The following HSDL2 variants were observed in gnomAD, a reference collection of about 807,000 sequenced individuals.
The protein encoded by HSDL2 is hydroxysteroid dehydrogenase like 2.
In HSDL2, 27 loss-of-function variants were observed where a neutral mutation model predicts 46.3. The observed-to-expected ratio is 0.58, with a 90% CI of 0.43 to 0.80. The LOEUF (loss-of-function observed/expected upper bound fraction) is 0.80. HSDL2 is among the 30% of genes least tolerant of loss of function. The pLI is 0.00. For missense variants in HSDL2, 451 were observed against 502.7 expected (o/e 0.90, Z 0.98); for synonymous variants, 153 against 163.6 (o/e 0.94, Z 0.50).
At chr9:112,395,105 G>A (rs1046340930) in intron 1 of HSDL2, among the ~76,000 whole-genome samples, 1 of 152,150 alleles carries the variant, frequency 6.6e-6, no homozygotes. Context: ...TTATTTTCAG[G>A]CTAATAGAAA....
chr9:112,405,689 G>A lies in HSDL2; in HGVS notation c.247G>A (p.Ala83Thr), dbSNP rs758334691. 2.5e-6 allele frequency: 4 copies of A among 1,612,478 alleles called. No individual in the cohort carries two copies. Among genetic ancestry groups the A allele is most frequent in the Non-Finnish European group, 2.5e-6 (3 of 1,179,164 alleles). ...TGTGAGAGATGAACAGCAGATCAGTGCTGCAGTGGAGAAAGCCATCAAGAA... is the reference window on the plus strand; with the variant it reads ...TGTGAGAGATGAACAGCAGATCAGTACTGCAGTGGAGAAAGCCATCAAGAA... The part of the protein sequence containing the change: ...VDVRDEQQIS[A>T]AVEKAIKKFG... Residue 83 changes from alanine (A) to threonine (T), a missense_variant, in exon 3 of 11, where the codon GCT becomes ACT. By Grantham distance (58) the Ala-to-Thr change is moderately conservative. Transcript: ENST00000398805.
intron 1 of HSDL2, among the ~76,000 whole-genome samples, chr9:112,384,304 T>C (rs1260851253): frequency 6.6e-6 from 1 of 152,076 alleles, no homozygotes; most frequent in Non-Finnish European, 1.5e-5. Context: ...GGAGCCTTCT[T>C]TGAAGTGCTC....
rs551709739 is a variant in HSDL2, at chr9:112,419,255, T to C, written c.598+297T>C. 3.3e-5 allele frequency among the ~76,000 whole-genome samples: 5 copies of C among 152,256 alleles called. No individual in the cohort carries two copies. The East Asian group carries it at 9.6e-4, about 29-fold the overall frequency. On this transcript the variant is annotated intron_variant, in intron 6 of 10. Coordinates refer to ENST00000398805, the MANE Select transcript of HSDL2 (RefSeq NM_032303.5). The stretch of plus-strand genomic sequence containing the variant: ...AACTCCTCAAGTGATCCTCCCACCT[T>C]GGCCTCCCAAAGTGCTGGGATTACA...
At chr9:112,445,585 C>A (rs1832738883) in intron 8 of HSDL2, among the ~76,000 whole-genome samples, 1 of 151,942 alleles carries the variant, frequency 6.6e-6, no homozygotes, top group Non-Finnish European at 1.5e-5. Flanking sequence ...AATGCAGTGG[C>A]ATGATCTTGG....
intron 9 of HSDL2, among the ~76,000 whole-genome samples, chr9:112,455,428 G>C (rs553605522): frequency 6.6e-6 from 1 of 152,124 alleles, no homozygotes; most frequent in South Asian, 2.1e-4. Flanking sequence ...TCACTCTCTT[G>C]CTTGTGTCCT....
At chr9:112,463,285 TA>T (rs1833270198) in intron 10 of HSDL2, among the ~76,000 whole-genome samples, 1 of 149,046 alleles carries the variant, frequency 6.7e-6, no homozygotes, top group South Asian at 2.1e-4. Context: ...TCACTTAAAA[TA>T]AAATAGAGAT....
At chr9:112,467,133 C>T (rs546540814) in intron 10 of HSDL2, among the ~76,000 whole-genome samples, 3 of 152,278 alleles carry the variant, frequency 2.0e-5, no homozygotes, top group African/African-American at 7.2e-5. Context: ...TTCACAGCAG[C>T]GCTATTCACA....
At chr9:112,464,213 GACACACACACAGACACACACACAC>G (rs1253926590) in intron 10 of HSDL2, among the ~76,000 whole-genome samples, 15 of 146,718 alleles carry the variant, frequency 1.0e-4, no homozygotes, top group East Asian at 4.2e-4. Flanking sequence ...CACACACACA[GACACACACACAGACACACACACAC>G]ACACACACAC....
At chr9:112,425,439 A>G (rs1438234600) in intron 6 of HSDL2, among the ~76,000 whole-genome samples, 1 of 152,204 alleles carries the variant, frequency 6.6e-6, no homozygotes, top group African/African-American at 2.4e-5. Flanking sequence ...GTGGTTTACA[A>G]ATTTTGTTAG....
At chr9:112,430,307 G>T (rs1190360701) in intron 6 of HSDL2, among the ~76,000 whole-genome samples, 1 of 152,198 alleles carries the variant, frequency 6.6e-6, no homozygotes, top group Non-Finnish European at 1.5e-5. Flanking sequence ...GATAGGTCCT[G>T]TGGACTAGTA....
intron 5 of HSDL2, among the ~76,000 whole-genome samples, chr9:112,417,499 CA>C (rs1010711735): frequency 1.4e-5 from 2 of 142,962 alleles, no homozygotes; most frequent in African/African-American, 2.6e-5. Context: ...AAAAAAACGA[CA>C]AAAAAACCCT....
At chr9:112,417,079 C>T in intron 5 of HSDL2, 135 bp downstream of exon 5, 1 of 446,582 alleles carries the variant, frequency 2.2e-6, no homozygotes, top group Non-Finnish European at 4.0e-6. Flanking sequence ...CATTAAGTGG[C>T]ATTTGGAAAG....
At chr9:112,399,260 C>G (rs781099526) in intron 1 of HSDL2, among the ~76,000 whole-genome samples, 3 of 151,980 alleles carry the variant, frequency 2.0e-5, no homozygotes, top group Admixed American at 1.3e-4. Context: ...CTCAGACCAG[C>G]AAGGTTTTAT....
intron 6 of HSDL2, among the ~76,000 whole-genome samples, chr9:112,424,320 C>CA (rs34751911): frequency 0.4 from 49,650 of 125,022 alleles, 9,915 homozygotes; most frequent in Non-Finnish European, 0.49. Context: ...GATTCCATCT[C>CA]AAAAAAAAAA....
At chr9:112,389,085 T>C (rs2132595997) in intron 1 of HSDL2, among the ~76,000 whole-genome samples, 2 of 152,138 alleles carry the variant, frequency 1.3e-5, no homozygotes, top group East Asian at 3.9e-4. Flanking sequence ...TAGAGTACAG[T>C]GGTGTAATCA....
intron 8 of HSDL2, among the ~76,000 whole-genome samples, chr9:112,446,404 G>A (rs893115191): frequency 4.6e-5 from 7 of 152,050 alleles, no homozygotes; most frequent in Admixed American, 3.9e-4. Flanking sequence ...TGGGAGGATT[G>A]CCCGAGGCCA....
chr9:112,441,081 T>G (rs1017417072), intron 7 of HSDL2, among the ~76,000 whole-genome samples: 1 of 152,006 alleles, frequency 6.6e-6, no homozygotes, highest in African/African-American at 2.4e-5. Context: ...GCACCTGTGG[T>G]CCCTGTTACT....
intron 6 of HSDL2, among the ~76,000 whole-genome samples, chr9:112,423,743 TCTCA>T (rs1587946805): frequency 6.6e-6 from 1 of 151,716 alleles, no homozygotes; most frequent in East Asian, 2.0e-4. Context: ...TGAGACAGAG[TCTCA>T]CTCTGTCGCC....
At position 112,392,296 on chromosome 9, in the gene HSDL2, A is replaced by G. The variant is rs560631797; in HGVS notation, c.18-11699A>G. Among the ~76,000 whole-genome samples the G allele has an allele frequency of 1.0e-3, 159 of 152,350 alleles. 1 individual carries two copies. The highest frequency in any genetic ancestry group is 3.5e-3 in the African/African-American group (146 of 41,574). On this transcript the variant is annotated intron_variant, in intron 1 of 10. Transcript: ENST00000398805. ...AAAGCAGAACCACTGATAAGGGTCTATGTTCAGTGGTGCAGGTATTGTCTT... is the reference window on the plus strand; with the variant it reads ...AAAGCAGAACCACTGATAAGGGTCTGTGTTCAGTGGTGCAGGTATTGTCTT...
Sources: gnomAD v4.1 joint callset for allele counts (sites outside exome capture counted in the v4.1 genomes callset) on GRCh38, gnomAD v4.1.1 for gene constraint, MANE v1.5 for transcripts, NCBI Gene and HGNC (gene_info 2026-07-23, HGNC 2026-07-21) for gene names.